CNTLN: variants seen among roughly 807,000 people sequenced by gnomAD.
The protein encoded by CNTLN is centlein, centrosomal protein.
In CNTLN, 212 loss-of-function variants were observed where a neutral mutation model predicts 180.0. That is an observed-to-expected ratio of 1.18 (90% CI 1.05 to 1.32). CNTLN has a LOEUF of 1.32. Ranked by LOEUF, CNTLN falls within the 40% of genes most tolerant of loss-of-function variation. The pLI is 0.00. For missense variants in CNTLN, 2,095 were observed against 1,610.9 expected, an observed-to-expected ratio of 1.30 and a Z score of -5.14; for synonymous variants, 722 against 563.1, an observed-to-expected ratio of 1.28 and a Z score of -3.99.
At chr9:17,182,065 G>A (rs983982287) in intron 2 of CNTLN, among the ~76,000 whole-genome samples, 1 of 152,156 alleles carries the variant, frequency 6.6e-6, no homozygotes, top group Admixed American at 6.5e-5. Context: ...TCTTCTGGCA[G>A]CAATTAGGGA....
chr9:17,430,924 A>G (rs1461651811), intron 18 of CNTLN, among the ~76,000 whole-genome samples: 1 of 152,122 alleles, frequency 6.6e-6, no homozygotes, highest in Admixed American at 6.5e-5. Context: ...TTGTGTATAT[A>G]TATCACATTT....
chr9:17,345,803 A>G (rs1270536174), intron 12 of CNTLN, among the ~76,000 whole-genome samples: 2 of 152,138 alleles, frequency 1.3e-5, no homozygotes, highest in Admixed American at 6.5e-5. Flanking sequence ...ATGTTTACCC[A>G]TAAGAGATAA....
At chr9:17,200,134 G>C (rs1478649078) in intron 2 of CNTLN, among the ~76,000 whole-genome samples, 1 of 152,158 alleles carries the variant, frequency 6.6e-6, no homozygotes, top group African/African-American at 2.4e-5. Context: ...GTTTGGCAAA[G>C]ATCAGATGGT....
At chr9:17,313,128 A>G (rs1364308923) in intron 8 of CNTLN, among the ~76,000 whole-genome samples, 2 of 152,182 alleles carry the variant, frequency 1.3e-5, no homozygotes, top group African/African-American at 4.8e-5. Context: ...ATGTCAGTAT[A>G]GCCAATTCTT....
At chr9:17,528,000 A>G in the CNTLN span, among the ~76,000 whole-genome samples, 1 of 152,134 alleles carries the variant, frequency 6.6e-6, no homozygotes, top group Admixed American at 6.5e-5. Context: ...GTCCATACTG[A>G]CACAAATAAT....
At chr9:17,168,953 C>T (rs139418500) in intron 2 of CNTLN, among the ~76,000 whole-genome samples, 1 of 152,010 alleles carries the variant, frequency 6.6e-6, no homozygotes, top group African/African-American at 2.4e-5. Flanking sequence ...TGTTCACTGC[C>T]GTAGTCTGGC....
chr9:17,210,213 C>A (rs1823195861), intron 2 of CNTLN, among the ~76,000 whole-genome samples: 1 of 152,158 alleles, frequency 6.6e-6, no homozygotes, highest in Non-Finnish European at 1.5e-5. Flanking sequence ...TTCCTCCCCG[C>A]TCCCCCTACC....
chr9:17,259,992 G>C (rs200593268), intron 5 of CNTLN, among the ~76,000 whole-genome samples: 2 of 139,674 alleles, frequency 1.4e-5, no homozygotes, highest in Admixed American at 1.4e-4. Flanking sequence ...CAGCTCTGAT[G>C]TTAGTTATTT....
chr9:17,481,165 C>T (rs1049381682), intron 23 of CNTLN, among the ~76,000 whole-genome samples: 3 of 152,164 alleles, frequency 2.0e-5, no homozygotes, highest in African/African-American at 7.2e-5. Flanking sequence ...AGTTAGCAAC[C>T]CCACCTGGCT....
In CNTLN at chr9:17,252,493, T is replaced by C. The variant is rs184735161; in HGVS notation, c.849+15905T>C. Among the ~76,000 whole-genome samples the C allele has an allele frequency of 2.6e-5, 4 of 151,914 alleles. No individual in the cohort carries two copies. In the East Asian group the frequency reaches 7.7e-4, roughly 29 times the overall value. ...GTTTTGATTTGCATTTTCCTGATGA[T>C]TAATGATGCTGAGCATTTTTCATAT... On this transcript the variant is annotated intron_variant, in intron 5 of 25. Coordinates refer to ENST00000380647, the MANE Select transcript of CNTLN (RefSeq NM_017738.4).
intron 2 of CNTLN, among the ~76,000 whole-genome samples, chr9:17,207,771 A>T (rs1447126601): frequency 3.3e-5 from 5 of 151,580 alleles, no homozygotes; most frequent in Admixed American, 2.0e-4. Flanking sequence ...TGCAGACCAG[A>T]TCTGTTCCTA....
chr9:17,408,128 CAAAAAAAA>C (rs34374959), intron 15 of CNTLN, among the ~76,000 whole-genome samples: 1 of 59,070 alleles, frequency 1.7e-5, no homozygotes, highest in South Asian at 1.3e-3. Flanking sequence ...GACTCTGTCT[CAAAAAAAA>C]AAAAAAAAAA....
At chr9:17,248,397 ATTC>A (rs1396708309) in intron 5 of CNTLN, among the ~76,000 whole-genome samples, 1 of 151,868 alleles carries the variant, frequency 6.6e-6, no homozygotes, top group African/African-American at 2.4e-5. Flanking sequence ...TTGATAACTG[ATTC>A]AGTCTCTTCA....
chr9:17,302,725 T>G (rs1317801263), intron 7 of CNTLN, among the ~76,000 whole-genome samples: 1 of 152,190 alleles, frequency 6.6e-6, no homozygotes, highest in Non-Finnish European at 1.5e-5. Flanking sequence ...CTATTTTAAT[T>G]TAAATATTAC....
intron 14 of CNTLN, among the ~76,000 whole-genome samples, chr9:17,393,099 C>T (rs375935882): frequency 1.3e-5 from 2 of 152,112 alleles, no homozygotes; most frequent in East Asian, 3.9e-4. Flanking sequence ...TGAGGACTCT[C>T]TTTCTGTTTC....
intron 8 of CNTLN, among the ~76,000 whole-genome samples, chr9:17,328,571 A>G (rs867169148): frequency 1.3e-5 from 2 of 152,342 alleles, no homozygotes; most frequent in South Asian, 4.1e-4. Flanking sequence ...AATGTAAAAC[A>G]CTTCTTGTAA....
chr9:17,309,887 C>A (rs1202826730), intron 8 of CNTLN, among the ~76,000 whole-genome samples: 1 of 151,942 alleles, frequency 6.6e-6, no homozygotes, highest in Non-Finnish European at 1.5e-5. Flanking sequence ...GTTTTTAAGG[C>A]TCTCATAGCT....
intron 2 of CNTLN, among the ~76,000 whole-genome samples, chr9:17,178,709 G>T (rs1257363945): frequency 1.3e-5 from 2 of 152,000 alleles, no homozygotes; most frequent in Admixed American, 1.3e-4. Context: ...CACCCACCCG[G>T]AATTCACGCT....
downstream of CNTLN, among the ~76,000 whole-genome samples, chr9:17,504,563 TAAGTC>T (rs1372402043): frequency 6.6e-6 from 1 of 152,166 alleles, no homozygotes; most frequent in Non-Finnish European, 1.5e-5. Context: ...CAAATATGAT[TAAGTC>T]AAGGATCTTG....
Sources: gnomAD v4.1 joint callset for allele counts (sites outside exome capture counted in the v4.1 genomes callset) on GRCh38, gnomAD v4.1.1 for gene constraint, MANE v1.5 for transcripts, NCBI Gene and HGNC (gene_info 2026-07-23, HGNC 2026-07-21) for gene names.